PCED1B: variants seen among roughly 807,000 people sequenced by gnomAD.
PCED1B encodes PC-esterase domain-containing protein 1B.
For missense variants in PCED1B, 573 were observed against 573.9 expected, an observed-to-expected ratio of 1.00 and a Z score of 0.02; for synonymous variants, 251 against 246.1, an observed-to-expected ratio of 1.02 and a Z score of -0.19.
intron 2 of PCED1B, among the ~76,000 whole-genome samples, chr12:47,200,934 T>G (rs1592275057): frequency 6.6e-6 from 1 of 152,344 alleles, no homozygotes; most frequent in East Asian, 1.9e-4. Context: ...AGACATTTGT[T>G]TGAAGTTATT....
At chr12:47,109,309 A>G (rs1044552217) in intron 2 of PCED1B, among the ~76,000 whole-genome samples, 2 of 152,092 alleles carry the variant, frequency 1.3e-5, no homozygotes, top group African/African-American at 4.8e-5. Context: ...GTTGAGCTAT[A>G]TCAGTGATTC....
rs116460424 is a variant in PCED1B at position 47,102,465 on chromosome 12, A to G, written c.-608-1648A>G. Among the ~76,000 whole-genome samples, 776 of 152,330 alleles carry G rather than the reference A, an allele frequency of 5.1e-3. 6 individuals carry two copies. The highest frequency in any genetic ancestry group is 0.017 in the African/African-American group (692 of 41,574). ...TACTGTGTTATACAGTTTTCCCTGCAACATGATGTCAGTCTGCAAAGGGTC... is the reference window on the plus strand; with the variant it reads ...TACTGTGTTATACAGTTTTCCCTGCGACATGATGTCAGTCTGCAAAGGGTC... On this transcript the variant is annotated intron_variant, in intron 1 of 3. Coordinates refer to ENST00000546455, the MANE Select transcript of PCED1B (RefSeq NM_138371.3).
intron 2 of PCED1B, among the ~76,000 whole-genome samples, chr12:47,215,967 C>A (rs1019901898): frequency 6.6e-6 from 1 of 151,984 alleles, no homozygotes; most frequent in African/African-American, 2.4e-5. Flanking sequence ...GCAGGAGAAT[C>A]GCTTGAACCT....
Position 47,187,185 on chromosome 12 carries a change from C to T in PCED1B, c.-525-29037C>T, listed in dbSNP as rs138160650. Among the ~76,000 whole-genome samples, 204 of 152,308 alleles carry T rather than the reference C, an allele frequency of 1.3e-3. No individual in the cohort carries two copies. In the Middle Eastern group the frequency reaches 0.014, roughly 10 times the overall value. On this transcript the variant is annotated intron_variant, in intron 2 of 3. Coordinates refer to ENST00000546455, the MANE Select transcript of PCED1B (RefSeq NM_138371.3). ...CAGATCTTTACCTTCTCCAGAAGCA[C>T]TCAGGAGTTTAGGTGAAAGATCCAG... is the stretch of plus-strand genomic sequence containing the variant.
chr12:47,224,617 C>T (rs1943580155), intron 3 of PCED1B, among the ~76,000 whole-genome samples: 1 of 152,112 alleles, frequency 6.6e-6, no homozygotes, highest in South Asian at 2.1e-4. Context: ...TTCTAGTTTC[C>T]GTTTTTCGCT....
At chr12:47,123,443 A>G (rs540765134) in intron 2 of PCED1B, among the ~76,000 whole-genome samples, 1 of 152,246 alleles carries the variant, frequency 6.6e-6, no homozygotes, top group East Asian at 1.9e-4. Flanking sequence ...GACATCAATT[A>G]TCTATAGAGA....
chr12:47,206,746 C>G (rs1180785698), intron 2 of PCED1B, among the ~76,000 whole-genome samples: 1 of 149,334 alleles, frequency 6.7e-6, no homozygotes, highest in Non-Finnish European at 1.5e-5. Flanking sequence ...ATCTCTACCC[C>G]GCCCCCGCAA....
chr12:47,198,580 AAAAC>A (rs1018051360), intron 2 of PCED1B, among the ~76,000 whole-genome samples: 13 of 152,098 alleles, frequency 8.5e-5, no homozygotes, highest in East Asian at 1.9e-4. Context: ...AAAAAAACAA[AAAAC>A]AAACAAACAA....
chr12:47,089,285 T>C (rs981149374), intron 1 of PCED1B, among the ~76,000 whole-genome samples: 1 of 150,882 alleles, frequency 6.6e-6, no homozygotes, highest in East Asian at 2.0e-4. Flanking sequence ...ACTAAAAATA[T>C]GAAAACAAAA....
At chr12:47,230,003 T>C (rs577533986) in intron 3 of PCED1B, among the ~76,000 whole-genome samples, 124 of 151,674 alleles carry the variant, frequency 8.2e-4, no homozygotes, top group African/African-American at 2.2e-3. Flanking sequence ...CTCAATCTCC[T>C]GACCTCGTGA....
At chr12:47,214,354 TAA>T (rs1444813300) in intron 2 of PCED1B, among the ~76,000 whole-genome samples, 1 of 152,210 alleles carries the variant, frequency 6.6e-6, no homozygotes, top group Non-Finnish European at 1.5e-5. Context: ...TAAAAAAAGC[TAA>T]GTCTTCAGAG....
intron 3 of PCED1B, chr12:47,223,632 C>A (rs1307090084): frequency 6.6e-6 from 1 of 152,212 alleles, no homozygotes; most frequent in African/African-American, 2.4e-5. Context: ...TATCCGGGAG[C>A]GAAGTCCCTG....
At chr12:47,146,953 C>T (rs899048081) in intron 2 of PCED1B, among the ~76,000 whole-genome samples, 1 of 146,246 alleles carries the variant, frequency 6.8e-6, no homozygotes, top group Non-Finnish European at 1.5e-5. Context: ...ATAGCTTCTA[C>T]AATATTTTGT....
rs1942101254 is a variant in PCED1B at position 47,181,693 on chromosome 12, A to G, written c.-525-34529A>G. 3.3e-5 allele frequency among the ~76,000 whole-genome samples: 5 copies of G among 152,158 alleles called. No individual in the cohort carries two copies. The South Asian group carries it at 1.0e-3, about 32-fold the overall frequency. On this transcript the variant is annotated intron_variant, in intron 2 of 3. Transcript: ENST00000546455. Reference sequence around the variant, plus strand: ...AGATAGATTCTTTCTAATATATATTAGAAAGAATACTGGCTTTCTAAATTA... The same window carrying G: ...AGATAGATTCTTTCTAATATATATTGGAAAGAATACTGGCTTTCTAAATTA...
chr12:47,148,820 C>G (rs10881052), intron 2 of PCED1B, among the ~76,000 whole-genome samples: 37,284 of 152,184 alleles, frequency 0.24, 5,810 homozygotes, highest in East Asian at 0.45. Context: ...TGACTAGAGT[C>G]TCTTAAATTG....
intron 2 of PCED1B, among the ~76,000 whole-genome samples, chr12:47,121,938 A>G (rs547024567): frequency 1.3e-5 from 2 of 151,630 alleles, no homozygotes; most frequent in East Asian, 3.9e-4. Context: ...AGGCTGAGGC[A>G]GGAGAATCGC....
chr12:47,205,736 G>A (rs1377631598), intron 2 of PCED1B, among the ~76,000 whole-genome samples: 1 of 151,416 alleles, frequency 6.6e-6, no homozygotes, highest in African/African-American at 2.4e-5. Flanking sequence ...GAGGAGGGAG[G>A]AAAAGAGGGA....
chr12:47,088,621 C>G (rs35507740), intron 1 of PCED1B, among the ~76,000 whole-genome samples: 6,151 of 152,226 alleles, frequency 0.04, 410 homozygotes, highest in African/African-American at 0.14. Context: ...CTCCAGAGAG[C>G]AGTTTTGACA....
intron 2 of PCED1B, among the ~76,000 whole-genome samples, chr12:47,201,703 A>T (rs911254331): frequency 6.6e-5 from 10 of 151,734 alleles, no homozygotes; most frequent in Non-Finnish European, 1.3e-4. Flanking sequence ...GGCTTAGGTG[A>T]TCCTCCCACC....
Sources: allele counts gnomAD v4.1 joint callset (sites outside exome capture counted in the v4.1 genomes callset), GRCh38; gene constraint gnomAD v4.1.1; transcripts MANE v1.5; gene names NCBI Gene and HGNC (gene_info 2026-07-23, HGNC 2026-07-21).